The following ULK4 variants were observed in gnomAD, a reference collection of about 807,000 sequenced individuals.
ULK4 encodes inactive serine/threonine-protein kinase ULK4.
Under a neutral mutation model 160.6 loss-of-function variants are expected in ULK4, and 133 were observed. The ratio of observed to expected loss-of-function variants is 0.83; its 90% CI spans 0.72 to 0.96. The LOEUF is 0.96. Among genes scored for constraint, ULK4 ranks in the 40% least tolerant of loss-of-function variants. The pLI is 0.00. For synonymous variants in ULK4, 534 were observed against 539.8 expected, an observed-to-expected ratio of 0.99 and a Z score of 0.15; for missense variants, 1,580 against 1,499.5, an observed-to-expected ratio of 1.05 and a Z score of -0.89.
intron 22 of ULK4, among the ~76,000 whole-genome samples, chr3:41,739,259 T>A (rs1371401053): frequency 6.6e-6 from 1 of 151,920 alleles, no homozygotes; most frequent in Non-Finnish European, 1.5e-5. Context: ...CTTAGATTCC[T>A]TCAACACATA....
At chr3:41,777,502 T>C (rs1419346156) in intron 21 of ULK4, among the ~76,000 whole-genome samples, 3 of 51,534 alleles carry the variant, frequency 5.8e-5, no homozygotes, top group Non-Finnish European at 1.1e-4. Context: ...CTAGTTCTTT[T>C]AATTGTGATG....
intron 35 of ULK4, among the ~76,000 whole-genome samples, chr3:41,346,942 C>G (rs1006076708): frequency 1.3e-5 from 2 of 152,110 alleles, no homozygotes; most frequent in African/African-American, 4.8e-5. Flanking sequence ...GAGCTTCAAA[C>G]TTTTCTAATG....
intron 32 of ULK4, among the ~76,000 whole-genome samples, chr3:41,534,625 G>C (rs954692580): frequency 6.6e-6 from 1 of 151,776 alleles, no homozygotes; most frequent in Admixed American, 6.6e-5. Flanking sequence ...CATGAACTGA[G>C]GCAACAGACA....
At chr3:41,676,437 G>C (rs1200805365) in intron 29 of ULK4, among the ~76,000 whole-genome samples, 1 of 152,104 alleles carries the variant, frequency 6.6e-6, no homozygotes, top group East Asian at 1.9e-4. Flanking sequence ...AGTATGAATT[G>C]TAAAACTCAA....
intron 22 of ULK4, among the ~76,000 whole-genome samples, chr3:41,748,983 G>T (rs754022351): frequency 4.2e-4 from 64 of 152,156 alleles, no homozygotes; most frequent in African/African-American, 1.5e-3. Flanking sequence ...CCACCATCCC[G>T]GCTATTCAAA....
chr3:41,330,591 G>A (rs1187541047), intron 35 of ULK4, among the ~76,000 whole-genome samples: 1 of 152,162 alleles, frequency 6.6e-6, no homozygotes, highest in Non-Finnish European at 1.5e-5. Context: ...TTAGTCAGAG[G>A]GTCAGAGCCA....
rs550761879 is a variant in ULK4 at position 41,500,739 on chromosome 3, T to C, written c.3227-37486A>G. Among the ~76,000 whole-genome samples the C allele has an allele frequency of 9.7e-4, 148 of 152,290 alleles. 3 individuals are homozygous for C. The highest frequency in any genetic ancestry group is 2.1e-3 in the Admixed American group (32 of 15,300). On this transcript the variant is annotated intron_variant, in intron 32 of 36. Transcript: ENST00000301831. ...TGATTTGGAGATTACAGTTGAACCCTGCAATCTCCAAACCCTGGAACTCGG... is the reference window on the plus strand; with the variant it reads ...TGATTTGGAGATTACAGTTGAACCCCGCAATCTCCAAACCCTGGAACTCGG...
chr3:41,633,895 G>C (rs1238407479), intron 30 of ULK4, among the ~76,000 whole-genome samples: 1 of 152,044 alleles, frequency 6.6e-6, no homozygotes, highest in Non-Finnish European at 1.5e-5. Context: ...ATTTATTGGA[G>C]CTCCCTGTGC....
intron 35 of ULK4, among the ~76,000 whole-genome samples, chr3:41,316,627 G>A (rs2080147403): frequency 6.6e-6 from 1 of 152,186 alleles, no homozygotes; most frequent in South Asian, 2.1e-4. Context: ...AGGGAGACAG[G>A]GAGCGGGTGT....
intron 5 of ULK4, among the ~76,000 whole-genome samples, chr3:41,922,728 G>A (rs1244273200): frequency 6.6e-6 from 1 of 152,032 alleles, no homozygotes; most frequent in African/African-American, 2.4e-5. Context: ...TTTATTACAG[G>A]AAGCGTCTAT....
chr3:41,658,361 C>CA (rs754714785), intron 30 of ULK4, among the ~76,000 whole-genome samples: 70 of 152,234 alleles, frequency 4.6e-4, no homozygotes, highest in Admixed American at 1.6e-3. Flanking sequence ...GCCTGGACTT[C>CA]AAATTTTTAA....
chr3:41,911,044 G>A (rs1698765751), intron 11 of ULK4, among the ~76,000 whole-genome samples: 1 of 152,174 alleles, frequency 6.6e-6, no homozygotes, highest in African/African-American at 2.4e-5. Flanking sequence ...AAATGAAGAG[G>A]CATTAATTCT....
At chr3:41,865,057 A>G (rs1316846761) in intron 17 of ULK4, among the ~76,000 whole-genome samples, 1 of 152,000 alleles carries the variant, frequency 6.6e-6, no homozygotes, top group Non-Finnish European at 1.5e-5. Flanking sequence ...GGATCACTTG[A>G]GGTCAGGAGT....
intron 32 of ULK4, among the ~76,000 whole-genome samples, chr3:41,480,129 C>A (rs1310177108): frequency 6.7e-6 from 1 of 149,100 alleles, no homozygotes; most frequent in East Asian, 2.0e-4. Context: ...ATGACGTGAA[C>A]CTGGGAGGCG....
intron 19 of ULK4, among the ~76,000 whole-genome samples, chr3:41,812,788 G>C (rs1337907957): frequency 2.0e-5 from 3 of 152,026 alleles, no homozygotes; most frequent in African/African-American, 7.2e-5. Context: ...TTTCTCCTTG[G>C]GATCACTGCT....
chr3:41,908,506 C>T (rs918469818), intron 11 of ULK4, among the ~76,000 whole-genome samples: 3 of 152,086 alleles, frequency 2.0e-5, no homozygotes, highest in African/African-American at 7.2e-5. Flanking sequence ...AGTGCAGTGG[C>T]ACGATCTCGG....
intron 31 of ULK4, among the ~76,000 whole-genome samples, chr3:41,612,628 C>T (rs2032741322): frequency 6.6e-6 from 1 of 152,124 alleles, no homozygotes; most frequent in South Asian, 2.1e-4. Flanking sequence ...AGTTTGAATC[C>T]ATACTTGGGG....
chr3:41,878,511 C>G (rs1174016922), intron 17 of ULK4, among the ~76,000 whole-genome samples: 1 of 152,048 alleles, frequency 6.6e-6, no homozygotes, highest in Non-Finnish European at 1.5e-5. Context: ...CCTTGCAAAA[C>G]AAACTCTATT....
intron 35 of ULK4, among the ~76,000 whole-genome samples, chr3:41,288,114 G>A (rs1451715879): frequency 1.3e-5 from 2 of 152,110 alleles, no homozygotes; most frequent in African/African-American, 4.8e-5. Flanking sequence ...TTCAGTTTGA[G>A]TCTAGTTATT....
Sources: gnomAD v4.1 joint callset for allele counts (sites outside exome capture counted in the v4.1 genomes callset) on GRCh38, gnomAD v4.1.1 for gene constraint, MANE v1.5 for transcripts, NCBI Gene and HGNC (gene_info 2026-07-23, HGNC 2026-07-21) for gene names.